GALNTL6: variants seen among roughly 807,000 people sequenced by gnomAD.
GALNTL6 encodes the protein polypeptide N-acetylgalactosaminyltransferase like 6.
A neutral mutation model predicts 73.7 loss-of-function variants in GALNTL6; 46 were observed. The observed-to-expected ratio is 0.62, with a 90% CI of 0.49 to 0.80. The LOEUF is 0.80. GALNTL6 is among the 30% of genes least tolerant of loss of function. GALNTL6 has a pLI of 0.00. For synonymous variants in GALNTL6, 259 were observed against 263.7 expected, an observed-to-expected ratio of 0.98 and a Z score of 0.17; for missense variants, 604 against 755.0, an observed-to-expected ratio of 0.80 and a Z score of 2.34.
At chr4:172,013,597 C>G (rs1741090323) in intron 2 of GALNTL6, among the ~76,000 whole-genome samples, 1 of 151,710 alleles carries the variant, frequency 6.6e-6, no homozygotes. Flanking sequence ...TAGGTGTGTA[C>G]ATTTGTGGGG....
At chr4:172,461,135 CAT>C (rs1487298679) in intron 5 of GALNTL6, among the ~76,000 whole-genome samples, 1 of 151,768 alleles carries the variant, frequency 6.6e-6, no homozygotes, top group Non-Finnish European at 1.5e-5. Flanking sequence ...CCAAACACCA[CAT>C]GTTATCACTT....
At chr4:171,916,529 T>A (rs1329135270) in intron 2 of GALNTL6, among the ~76,000 whole-genome samples, 1 of 152,124 alleles carries the variant, frequency 6.6e-6, no homozygotes, top group East Asian at 1.9e-4. Flanking sequence ...CAGACATAAG[T>A]CTGACATGTA....
rs1055281472 is a variant in GALNTL6 at position 172,256,466 on chromosome 4, G to A, written c.247+26702G>A. ...AATCATTTCAACTGAACATGTAATT[G>A]GCGCAAATGTGTATAAAATCCAAAC... On this transcript the variant is annotated intron_variant, in intron 3 of 12. Coordinates refer to ENST00000506823, the MANE Select transcript of GALNTL6 (RefSeq NM_001034845.3). Among the ~76,000 whole-genome samples, 66 of 151,480 alleles carry A rather than the reference G, an allele frequency of 4.4e-4. 1 individual carries two copies. The highest frequency in any genetic ancestry group is 1.6e-3 in the African/African-American group (66 of 41,476).
intron 7 of GALNTL6, among the ~76,000 whole-genome samples, chr4:172,823,746 G>A (rs1340613541): frequency 1.3e-5 from 2 of 152,124 alleles, no homozygotes; most frequent in African/African-American, 2.4e-5. Context: ...AAAGAACAAA[G>A]ATGATAAATA....
chr4:172,475,727 A>T, intron 5 of GALNTL6, among the ~76,000 whole-genome samples: 1 of 152,236 alleles, frequency 6.6e-6, no homozygotes, highest in East Asian at 1.9e-4. Context: ...TTTAGAATAC[A>T]GTCAGCCATT....
At chr4:172,270,810 A>G (rs894814433) in intron 3 of GALNTL6, among the ~76,000 whole-genome samples, 1 of 152,178 alleles carries the variant, frequency 6.6e-6, no homozygotes, top group Non-Finnish European at 1.5e-5. Flanking sequence ...ATATAAAGGT[A>G]TTGTTATTTT....
At chr4:171,847,958 G>A (rs558679976) in intron 2 of GALNTL6, among the ~76,000 whole-genome samples, 1 of 152,248 alleles carries the variant, frequency 6.6e-6, no homozygotes, top group Non-Finnish European at 1.5e-5. Context: ...ATGACATCTA[G>A]AATGGTGAAT....
intron 2 of GALNTL6, among the ~76,000 whole-genome samples, chr4:172,000,342 C>T (rs536713528): frequency 4.3e-4 from 65 of 152,168 alleles, no homozygotes; most frequent in Non-Finnish European, 7.9e-4. Flanking sequence ...ATATGGATAA[C>T]TTGAGTTCAT....
intron 3 of GALNTL6, among the ~76,000 whole-genome samples, chr4:172,301,219 A>G (rs111227529): frequency 0.025 from 3,871 of 152,278 alleles, 137 homozygotes; most frequent in African/African-American, 0.082. Flanking sequence ...CAGCTCCATC[A>G]GGTCCTTTAA....
At chr4:171,971,745 T>C (rs907214812) in intron 2 of GALNTL6, among the ~76,000 whole-genome samples, 6 of 152,184 alleles carry the variant, frequency 3.9e-5, no homozygotes, top group Non-Finnish European at 7.3e-5. Flanking sequence ...AAATATAGGA[T>C]TTTGATATGT....
chr4:171,959,595 G>T (rs2111044775), intron 2 of GALNTL6, among the ~76,000 whole-genome samples: 1 of 152,188 alleles, frequency 6.6e-6, no homozygotes, highest in Non-Finnish European at 1.5e-5. Flanking sequence ...ACATGTCTGT[G>T]GTCCCAGCTA....
At chr4:171,836,218 T>TA (rs1450496540) in intron 2 of GALNTL6, among the ~76,000 whole-genome samples, 1 of 152,056 alleles carries the variant, frequency 6.6e-6, no homozygotes, top group Non-Finnish European at 1.5e-5. Flanking sequence ...TTAAATTATA[T>TA]AAAAATAGTT....
chr4:172,230,587 A>C (rs921309171), intron 3 of GALNTL6, among the ~76,000 whole-genome samples: 1 of 152,072 alleles, frequency 6.6e-6, no homozygotes, highest in African/African-American at 2.4e-5. Flanking sequence ...TTCAAAAAAA[A>C]AAAAGACAAA....
intron 3 of GALNTL6, among the ~76,000 whole-genome samples, chr4:172,278,637 G>A (rs1267004270): frequency 2.0e-5 from 3 of 151,894 alleles, no homozygotes; most frequent in African/African-American, 4.8e-5. Flanking sequence ...TTCCTGAGAA[G>A]GAGCATAGAA....
rs1753852663 is a variant in GALNTL6, at chr4:173,040,302, T to C, written c.*202T>C. The C allele has an allele frequency of 9.3e-6, 5 of 536,538 alleles. No individual in the cohort carries two copies. Among genetic ancestry groups the C allele is most frequent in the Non-Finnish European group, 1.3e-5 (4 of 306,068 alleles). The allele number at this position is 536,538 out of a possible 1,614,324, so 33.2% of individuals were successfully genotyped here. Reference sequence around the variant, plus strand: ...GGCTGAGAATCTCACCAGCTGCTTCTGAGAACTCGAGACTAGCAGTTCCCT... The same window carrying C: ...GGCTGAGAATCTCACCAGCTGCTTCCGAGAACTCGAGACTAGCAGTTCCCT... On this transcript the variant is annotated 3_prime_UTR_variant, in exon 13 of 13. Transcript: ENST00000506823.
intron 2 of GALNTL6, among the ~76,000 whole-genome samples, chr4:171,833,918 G>C (rs1379545043): frequency 6.6e-6 from 1 of 151,590 alleles, no homozygotes; most frequent in Admixed American, 6.6e-5. Flanking sequence ...TTCAACCACT[G>C]TTTGAAAATA....
chr4:172,536,831 A>G (rs1367266286), intron 5 of GALNTL6, among the ~76,000 whole-genome samples: 2 of 152,212 alleles, frequency 1.3e-5, no homozygotes, highest in Admixed American at 6.5e-5. Context: ...AGAAATTTGC[A>G]TAATTAATGA....
chr4:171,887,745 G>A (rs1255365710), intron 2 of GALNTL6, among the ~76,000 whole-genome samples: 1 of 152,038 alleles, frequency 6.6e-6, no homozygotes, highest in Non-Finnish European at 1.5e-5. Context: ...TGAAAGGTAT[G>A]CAATTTCTTC....
intron 5 of GALNTL6, 100 bp downstream of exon 5, chr4:172,348,789 T>G (rs1741843940): frequency 1.4e-6 from 1 of 704,968 alleles, no homozygotes; most frequent in Non-Finnish European, 2.2e-6. Flanking sequence ...TCTGATTCCA[T>G]CTGAAAGGTG....
Sources: allele counts gnomAD v4.1 joint callset (sites outside exome capture counted in the v4.1 genomes callset), GRCh38; gene constraint gnomAD v4.1.1; transcripts MANE v1.5; gene names NCBI Gene and HGNC (gene_info 2026-07-23, HGNC 2026-07-21).